HSPA9: variants seen among roughly 807,000 people sequenced by gnomAD.
HSPA9 encodes the protein stress-70 protein, mitochondrial.
A neutral mutation model predicts 81.5 loss-of-function variants in HSPA9; 28 were observed. That is an observed-to-expected ratio of 0.34 (90% CI 0.25 to 0.47). The LOEUF is 0.47. Ranked by LOEUF, HSPA9 falls within the 20% of genes least tolerant of loss-of-function variation. HSPA9 has a pLI of 1.00. For synonymous variants in HSPA9, 293 were observed against 290.4 expected (o/e 1.01, Z -0.09); for missense variants, 678 against 838.0 (o/e 0.81, Z 2.36).
intron 7 of HSPA9, 47 bp downstream of exon 7, chr5:138,567,408 A>C: frequency 7.1e-7 from 1 of 1,405,276 alleles, no homozygotes; most frequent in Non-Finnish European, 1.0e-6. Context: ...ATTAAGTGAC[A>C]CTTTAGTTTC....
intron 16 of HSPA9, 60 bp from the exon 17 acceptor site, chr5:138,556,174 T>C (rs1750516167): frequency 7.3e-7 from 1 of 1,376,506 alleles, no homozygotes; most frequent in Non-Finnish European, 1.0e-6. Flanking sequence ...CATTTGCTCT[T>C]TGTTGCACTC....
rs945860938 is a variant in HSPA9, at chr5:138,574,226, C to T, written c.82-100G>A. 7 of 792,396 alleles carry T rather than the reference C, an allele frequency of 8.8e-6. No homozygotes were observed. In the Admixed American group the frequency reaches 1.4e-4, roughly 16 times the overall value. 49.1% of individuals were successfully genotyped at this position (792,396 alleles called of 1,614,324 possible). A position where few individuals can be genotyped will look rare whatever the true frequency, so the allele number is the denominator to read the frequency against. ...TTAGTATATAAAATACATTAAGCTA[C>T]TAAAACAGTAAATATTAAAGTTTCC... On this transcript the variant is annotated intron_variant, in intron 1 of 16. Transcript: ENST00000297185.
chr5:138,558,499 T>C lies in HSPA9; in HGVS notation c.1515+54A>G. 4.5e-6 allele frequency: 5 copies of C among 1,123,092 alleles called. No individual in the cohort carries two copies. The Admixed American group carries it at 8.4e-5, about 19-fold the overall frequency. 69.6% of individuals were successfully genotyped at this position (1,123,092 alleles called of 1,614,324 possible). A position where few individuals can be genotyped will look rare whatever the true frequency, so the allele number is the denominator to read the frequency against. Reference sequence around the variant, plus strand: ...ACTAATATTTTTATGGCTTAGAATATTATCTCACTTTACAGTGAAGGAGGC... The same window carrying C: ...ACTAATATTTTTATGGCTTAGAATACTATCTCACTTTACAGTGAAGGAGGC... On this transcript the variant is annotated intron_variant, in intron 12 of 16. Transcript: ENST00000297185.
intron 5 of HSPA9, 49 bp downstream of exon 5, chr5:138,568,876 G>A (rs1750821653): frequency 1.2e-6 from 2 of 1,600,272 alleles, no homozygotes; most frequent in Non-Finnish European, 1.7e-6. Context: ...TGATCTCACA[G>A]GAATCATTGT....
chr5:138,573,044 T>C (rs970406862), intron 3 of HSPA9, among the ~76,000 whole-genome samples: 7 of 152,072 alleles, frequency 4.6e-5, no homozygotes, highest in Admixed American at 1.3e-4. Context: ...TACAGGTGTG[T>C]GCCACTACGC....
chr5:138,566,839 T>C, intron 8 of HSPA9, 121 bp from the exon 9 acceptor site: 1 of 1,123,258 alleles, frequency 8.9e-7, no homozygotes, highest in Non-Finnish European at 1.4e-6. Context: ...ATGAATTACT[T>C]TTTATTACCC....
At chr5:138,563,693 AAGCCTCTAGCCCAAGGGT>A (rs1225265213) in intron 9 of HSPA9, among the ~76,000 whole-genome samples, 1 of 152,190 alleles carries the variant, frequency 6.6e-6, no homozygotes, top group Non-Finnish European at 1.5e-5. Flanking sequence ...CAAATCTATA[AAGCCTCTAGCCCAAGGGT>A]ATCCAATCTT....
At chr5:138,567,869 C>G (rs893634258) in intron 5 of HSPA9, 147 bp from the exon 6 acceptor site, 10 of 707,122 alleles carry the variant, frequency 1.4e-5, no homozygotes, top group Admixed American at 8.2e-5. Flanking sequence ...AGGAAACACT[C>G]CAAGTAAATA....
rs539813314 is a variant in HSPA9, at chr5:138,574,128, T to TA, written c.82-3dup. 185 of 1,613,040 alleles carry TA rather than the reference T, an allele frequency of 1.1e-4. No individual in the cohort carries two copies. The African/African-American group carries it at 1.9e-3, about 17-fold the overall frequency. On this transcript the variant is annotated splice_polypyrimidine_tract_variant and splice_region_variant and intron_variant, in intron 1 of 16. Transcript: ENST00000297185. ...ATGACTAAGGCCATTCCAGCTATCCTAAAAAAGAAAAAACTGACTCAGTCA... is the reference window on the plus strand; with the variant it reads ...ATGACTAAGGCCATTCCAGCTATCCTAAAAAAAGAAAAAACTGACTCAGTCA...
intron 8 of HSPA9, 104 bp downstream of exon 8, chr5:138,566,897 G>T: frequency 7.8e-7 from 1 of 1,281,214 alleles, no homozygotes; most frequent in South Asian, 1.2e-5. Context: ...TCTGTGTCTA[G>T]AATAAGGGGG....
intron 14 of HSPA9, chr5:138,557,112 A>G (rs1229295335): frequency 1.2e-5 from 7 of 605,362 alleles, no homozygotes; most frequent in Non-Finnish European, 2.0e-5. Flanking sequence ...CATAAGGTAT[A>G]AACAACGGGG....
Position 138,556,492 on chromosome 5 carries a change from T to G in HSPA9, c.1922A>C (p.Gln641Pro). The G allele has an allele frequency of 6.2e-7, 1 of 1,614,126 alleles. No individual in the cohort carries two copies. Among genetic ancestry groups the G allele is most frequent in the Non-Finnish European group, 8.5e-7 (1 of 1,180,012 alleles). Residue 641 changes from glutamine to proline, a missense_variant, in exon 16 of 17, where the codon CAG becomes CCG. Physicochemically the swap from Gln to Pro is moderately conservative, Grantham distance 76. This residue lies in a region of HSPA9 where 100 missense variants were observed against 99.5 expected (regional missense o/e 1.00). Transcript: ENST00000297185. Reference protein sequence around the residue: ...ENIRQAASSLQQASLKLFEMA... With the variant: ...ENIRQAASSLPQASLKLFEMA... ...TTCGAACAGCTTCAGTGATGCCTGCTGAAGAGAGGATGCTGCCTGTCTAAT... is the reference window on the plus strand; with the variant it reads ...TTCGAACAGCTTCAGTGATGCCTGCGGAAGAGAGGATGCTGCCTGTCTAAT...
At chr5:138,573,630 G>A (rs1751000893) in intron 3 of HSPA9, 133 bp downstream of exon 3, 2 of 596,862 alleles carry the variant, frequency 3.4e-6, no homozygotes, top group Admixed American at 6.4e-5. Flanking sequence ...ATGGGCTATA[G>A]AGACTGTCTC....
chr5:138,566,516 C>T (rs1481420725), intron 9 of HSPA9, 110 bp downstream of exon 9: 1 of 841,850 alleles, frequency 1.2e-6, no homozygotes, highest in African/African-American at 1.7e-5. Context: ...AAAAAACAAA[C>T]AAACAAAAAA....
chr5:138,564,912 G>A (rs1362943619), intron 9 of HSPA9, among the ~76,000 whole-genome samples: 1 of 152,194 alleles, frequency 6.6e-6, no homozygotes, highest in African/African-American at 2.4e-5. Context: ...AACCCCAGCA[G>A]AATGCTTGCA....
In HSPA9 at chr5:138,558,645, C is replaced by T; in HGVS notation, c.1423G>A (p.Ala475Thr). ...TCCACTTGCGTTTGACCATCAGCGGCAGTAGAGAATACCTAGGGAAGAAGA... is the reference window on the plus strand; with the variant it reads ...TCCACTTGCGTTTGACCATCAGCGGTAGTAGAGAATACCTAGGGAAGAAGA... ...PTKKSQVFST[A>T]ADGQTQVEIK... Residue 475 changes from alanine to threonine, a missense_variant, in exon 12 of 17, where the codon GCC becomes ACC. Coordinates refer to ENST00000297185, the MANE Select transcript of HSPA9 (RefSeq NM_004134.7). The T allele has an allele frequency of 6.2e-7, 1 of 1,610,956 alleles. No homozygotes were observed. The highest frequency in any genetic ancestry group is 1.1e-5 in the South Asian group (1 of 91,010).
chr5:138,570,781 G>T, intron 4 of HSPA9, 179 bp downstream of exon 4: 3 of 635,882 alleles, frequency 4.7e-6, no homozygotes, highest in Admixed American at 2.3e-5. Context: ...CACTGCACTG[G>T]CCAAAAATGA....
chr5:138,573,276 C>T (rs553940850), intron 3 of HSPA9, among the ~76,000 whole-genome samples: 1 of 151,820 alleles, frequency 6.6e-6, no homozygotes, highest in East Asian at 1.9e-4. Flanking sequence ...TAATCCACCC[C>T]CCTTGGCCTC....
rs1180851307 is a variant in HSPA9 at position 138,575,292 on chromosome 5, T to C, written c.27A>G (p.Ala9=). Reference sequence around the variant, plus strand: ...AGGCTGCGGCGCCCACGAGACGGGCTGCTGCAGCTCGGCTGGCACTTATCA... The same window carrying C: ...AGGCTGCGGCGCCCACGAGACGGGCCGCTGCAGCTCGGCTGGCACTTATCA... MISASRAA[A]ARLVGAAASR... The change falls in exon 1 of 17, where the codon GCA becomes GCG. Residue 9 remains alanine (A), a synonymous_variant. Transcript: ENST00000297185. 11 of 1,611,740 alleles carry C rather than the reference T, an allele frequency of 6.8e-6. No individual in the cohort carries two copies. The highest frequency in any genetic ancestry group is 1.7e-4 in the Middle Eastern group (1 of 6,060).
Sources: allele counts gnomAD v4.1 joint callset (sites outside exome capture counted in the v4.1 genomes callset), GRCh38; gene constraint gnomAD v4.1.1; regional missense constraint gnomAD v4.1.1; transcripts MANE v1.5; gene names NCBI Gene and HGNC (gene_info 2026-07-23, HGNC 2026-07-21).